The following NFXL1 variants were observed in gnomAD, a reference collection of about 807,000 sequenced individuals.
NFXL1 encodes nuclear transcription factor, X-box binding like 1, also known as NF-X1-type zinc finger protein NFXL1.
Under a neutral mutation model 123.3 loss-of-function variants are expected in NFXL1, and 66 were observed. The ratio of observed to expected loss-of-function variants is 0.54; its 90% CI spans 0.44 to 0.66. The LOEUF is 0.66. Ranked by LOEUF, NFXL1 falls within the 30% of genes least tolerant of loss-of-function variation. NFXL1 has a pLI of 0.00. For synonymous variants in NFXL1, 346 were observed against 360.8 expected (o/e 0.96, Z 0.46); for missense variants, 944 against 1,125.6 (o/e 0.84, Z 2.31).
intron 18 of NFXL1, among the ~76,000 whole-genome samples, chr4:47,870,477 TAAAG>T (rs74876177): frequency 0.33 from 49,529 of 151,658 alleles, 9,730 homozygotes; most frequent in Non-Finnish European, 0.44. Context: ...GTAATTCCTC[TAAAG>T]AAAGAAACAA....
At chr4:47,864,726 C>T (rs7687363) in intron 18 of NFXL1, among the ~76,000 whole-genome samples, 112,792 of 152,134 alleles carry the variant, frequency 0.74, 42,015 homozygotes, top group Admixed American at 0.76. Flanking sequence ...TGGAGGGTGG[C>T]ATGCAAATGG....
At chr4:47,864,087 A>C (rs1351185171) in intron 18 of NFXL1, among the ~76,000 whole-genome samples, 1 of 152,174 alleles carries the variant, frequency 6.6e-6, no homozygotes, top group African/African-American at 2.4e-5. Flanking sequence ...TTAATACCAC[A>C]AAGTTTTTAT....
chr4:47,854,153 C>T (rs1343128685), intron 20 of NFXL1, among the ~76,000 whole-genome samples: 2 of 152,000 alleles, frequency 1.3e-5, no homozygotes, highest in Non-Finnish European at 2.9e-5. Flanking sequence ...CAGAAGTTCC[C>T]TATCCTAGGA....
At chr4:47,886,965 C>G (rs1441816742) in intron 12 of NFXL1, among the ~76,000 whole-genome samples, 1 of 152,082 alleles carries the variant, frequency 6.6e-6, no homozygotes, top group African/African-American at 2.4e-5. Flanking sequence ...ATTAATTGTG[C>G]TTTGTGAAAG....
chr4:47,851,169 G>A, intron 21 of NFXL1, 21 bp from the exon 22 acceptor site: 1 of 1,576,706 alleles, frequency 6.3e-7, no homozygotes, highest in Admixed American at 1.7e-5. Context: ...ACATACAAAA[G>A]TCAATTTACA....
intron 12 of NFXL1, among the ~76,000 whole-genome samples, chr4:47,888,601 G>A (rs1360177347): frequency 6.6e-6 from 1 of 151,970 alleles, no homozygotes; most frequent in African/African-American, 2.4e-5. Flanking sequence ...ACCTGAATCT[G>A]ATCAAACCTC....
chr4:47,849,803 G>T (rs562893269), intron 22 of NFXL1, among the ~76,000 whole-genome samples: 1 of 152,110 alleles, frequency 6.6e-6, no homozygotes, highest in Non-Finnish European at 1.5e-5. Flanking sequence ...GGATGATCAA[G>T]TCTCTACATA....
In NFXL1 at chr4:47,878,675, T is replaced by G; in HGVS notation, c.1939-10A>C. The G allele has an allele frequency of 6.6e-7, 1 of 1,514,648 alleles. No homozygotes were observed. The highest frequency in any genetic ancestry group is 8.8e-7 in the Non-Finnish European group (1 of 1,134,022). 93.8% of individuals were successfully genotyped at this position (1,514,648 alleles called of 1,614,324 possible). On this transcript the variant is annotated splice_polypyrimidine_tract_variant and intron_variant, in intron 16 of 22. Coordinates refer to ENST00000507489, the MANE Select transcript of NFXL1 (RefSeq NM_001278624.2). ...ATGGTAGTGGACTCACCTTAAAAAATAAAGGAAATCAGCACAGCACACATT... is the reference window on the plus strand; with the variant it reads ...ATGGTAGTGGACTCACCTTAAAAAAGAAAGGAAATCAGCACAGCACACATT...
rs1279338795 is a variant in NFXL1 at position 47,885,529 on chromosome 4, T to C, written c.1793A>G (p.His598Arg). 6.2e-7 allele frequency: 1 copy of C among 1,613,676 alleles called. No individual in the cohort carries two copies. The highest frequency in any genetic ancestry group is 1.7e-5 in the Admixed American group (1 of 60,014). ...AGTCTGCTTTATTAATGCTTGATCA[T>C]GACACGGAGCAGGACACAAGTGACC... Reference protein sequence around the residue: ...KCGHLCPAPCHDQALIKQTGR... With the variant: ...KCGHLCPAPCRDQALIKQTGR... Residue 598 changes from histidine to arginine, a missense_variant, in exon 14 of 23, where the codon CAT becomes CGT. Physicochemically the swap from His to Arg is conservative, Grantham distance 29. Around this residue, in one of 4 missense-constraint regions of NFXL1, gnomAD observed 44 missense variants for 90.4 expected, o/e 0.49. Coordinates refer to ENST00000507489, the MANE Select transcript of NFXL1 (RefSeq NM_001278624.2).
chr4:47,855,109 T>C lies in NFXL1; in HGVS notation c.2371A>G (p.Asn791Asp). The C allele has an allele frequency of 6.3e-7, 1 of 1,587,660 alleles. No homozygotes were observed. Among genetic ancestry groups the C allele is most frequent in the Non-Finnish European group, 8.6e-7 (1 of 1,162,016 alleles). ...CTAAGTTTTACCTTCTGGTTGCAGT[T>C]AAAGGGACATTCACCAGGATGACAC... ...EMCHPGECPF[N>D]CNQKVKLRCP... Residue 791 changes from asparagine (N) to aspartate (D), a missense_variant, in exon 20 of 23, where the codon AAC becomes GAC. Asn to Asp is a conservative substitution (Grantham distance 23). This residue lies in a region of NFXL1 where 301 missense variants were observed against 348.0 expected (regional missense o/e 0.86). Coordinates refer to ENST00000507489, the MANE Select transcript of NFXL1 (RefSeq NM_001278624.2).
chr4:47,881,429 G>GA (rs1736109020), intron 15 of NFXL1, among the ~76,000 whole-genome samples: 1 of 152,132 alleles, frequency 6.6e-6, no homozygotes, highest in African/African-American at 2.4e-5. Flanking sequence ...ACTGTTGTGA[G>GA]AATGCAAAAT....
At position 47,898,196 on chromosome 4, in the gene NFXL1, A is replaced by C; in HGVS notation, c.1090-115T>G. The C allele has an allele frequency of 4.8e-6, 3 of 621,356 alleles. No individual in the cohort carries two copies. In the South Asian group the frequency reaches 6.7e-5, roughly 14 times the overall value. The allele number at this position is 621,356 out of a possible 1,614,324, so 38.5% of individuals were successfully genotyped here. A position where few individuals can be genotyped will look rare whatever the true frequency, so the allele number is the denominator to read the frequency against. On this transcript the variant is annotated intron_variant, in intron 8 of 22. Coordinates refer to ENST00000507489, the MANE Select transcript of NFXL1 (RefSeq NM_001278624.2). ...AATAAACAACTGCTTTACGTCCCTCATATTATTTTACTTTATATTTTATAC... is the reference window on the plus strand; with the variant it reads ...AATAAACAACTGCTTTACGTCCCTCCTATTATTTTACTTTATATTTTATAC...
At chr4:47,888,679 T>G (rs1736596685) in intron 12 of NFXL1, among the ~76,000 whole-genome samples, 2 of 151,248 alleles carry the variant, frequency 1.3e-5, no homozygotes, top group South Asian at 2.1e-4. Flanking sequence ...ACCACAGAGA[T>G]GCAATCTGCA....
In NFXL1 at chr4:47,877,497, T is replaced by C. The variant is rs1272116934; in HGVS notation, c.2079+1028A>G. On this transcript the variant is annotated intron_variant, in intron 17 of 22. Coordinates refer to ENST00000507489, the MANE Select transcript of NFXL1 (RefSeq NM_001278624.2). Reference sequence around the variant, plus strand: ...TAAGCTTTTTCTGACTCACTCCGTATTCTGGAAATCTGGAAGAGGGAAGCC... The same window carrying C: ...TAAGCTTTTTCTGACTCACTCCGTACTCTGGAAATCTGGAAGAGGGAAGCC... Among the ~76,000 whole-genome samples the C allele has an allele frequency of 4.6e-5, 7 of 152,206 alleles. No individual in the cohort carries two copies. The East Asian group carries it at 7.7e-4, about 17-fold the overall frequency.
intron 9 of NFXL1, 25 bp from the exon 10 acceptor site, chr4:47,896,672 T>C (rs990064262): frequency 1.3e-6 from 2 of 1,544,424 alleles, no homozygotes; most frequent in African/African-American, 1.4e-5. Flanking sequence ...AAAGTCAATG[T>C]TAATAATGAG....
chr4:47,875,067 T>C, intron 18 of NFXL1, 60 bp downstream of exon 18: 2 of 1,197,538 alleles, frequency 1.7e-6, no homozygotes, highest in Admixed American at 3.8e-5. Flanking sequence ...TTCTTAATTA[T>C]AAAAAGATAC....
In NFXL1 at chr4:47,899,111, G is replaced by C. The variant is rs980773662; in HGVS notation, c.836C>G (p.Pro279Arg). 2.5e-6 allele frequency: 4 copies of C among 1,585,412 alleles called. No individual in the cohort carries two copies. Among genetic ancestry groups the C allele is most frequent in the Non-Finnish European group, 2.6e-6 (3 of 1,168,468 alleles). ...CLLLCHPGPC[P>R]PCPKMVTTTC... is the part of the protein sequence containing the mutation. ...AGTTGTGACCATCTTTGGACAAGGA[G>C]GGCAGGGACCTAGAATTCAGTAAAA... The change falls in exon 7 of 23, where the codon CCT (proline) becomes CGT (arginine). Residue 279 changes from proline to arginine, a missense_variant. Transcript: ENST00000507489.
At chr4:47,905,374 C>G (rs774910561) in intron 3 of NFXL1, 28 bp from the exon 4 acceptor site, 6 of 1,081,588 alleles carry the variant, frequency 5.5e-6, no homozygotes, top group Non-Finnish European at 8.5e-6. Flanking sequence ...GAAAATCTCA[C>G]CCTAAACAAC....
chr4:47,858,038 C>A (rs2110035894), intron 19 of NFXL1, among the ~76,000 whole-genome samples: 1 of 152,252 alleles, frequency 6.6e-6, no homozygotes, highest in East Asian at 1.9e-4. Context: ...CAATTTGCAA[C>A]TAGGAAAACT....
Sources: gnomAD v4.1 joint callset for allele counts (sites outside exome capture counted in the v4.1 genomes callset) on GRCh38, gnomAD v4.1.1 for gene constraint, gnomAD v4.1.1 regional missense constraint, MANE v1.5 for transcripts, NCBI Gene and HGNC (gene_info 2026-07-23, HGNC 2026-07-21) for gene names.